SASH1: variants seen among roughly 807,000 people sequenced by gnomAD.
The protein encoded by SASH1 is SAM and SH3 domain-containing protein 1.
A neutral mutation model predicts 125.2 loss-of-function variants in SASH1; 44 were observed. The observed-to-expected ratio is 0.35, with a 90% CI of 0.28 to 0.45. The LOEUF (loss-of-function observed/expected upper bound fraction) is 0.45. Among genes scored for constraint, SASH1 ranks in the 20% least tolerant of loss-of-function variants. The pLI, the probability that SASH1 is intolerant of heterozygous loss-of-function variation, is 1.00. For missense variants in SASH1, 1,426 were observed against 1,614.5 expected (o/e 0.88, Z 2.00); for synonymous variants, 639 against 649.1 (o/e 0.98, Z 0.24).
intron 5 of SASH1, 40 bp from the exon 6 acceptor site, chr6:148,471,377 C>G (rs1448737090): frequency 1.1e-5 from 12 of 1,084,332 alleles, no homozygotes; most frequent in Non-Finnish European, 1.5e-5. Context: ...ATTGCTTGTG[C>G]TTTTTGTTCT....
chr6:148,446,183 A>G (rs1219599837), intron 4 of SASH1, among the ~76,000 whole-genome samples: 1 of 130,294 alleles, frequency 7.7e-6, no homozygotes, highest in Non-Finnish European at 1.5e-5. Context: ...ATCTTGGCTC[A>G]CTGCAAGCTC....
intron 2 of SASH1, among the ~76,000 whole-genome samples, chr6:148,434,314 A>T (rs1264221582): frequency 1.3e-5 from 2 of 152,044 alleles, no homozygotes; most frequent in African/African-American, 4.8e-5. Flanking sequence ...TGACCTCGTG[A>T]TCTGCCTGCC....
chr6:148,549,869 G>A lies in SASH1; in HGVS notation c.*1311G>A. 1 of 254,488 alleles carries A rather than the reference G, an allele frequency of 3.9e-6. No individual in the cohort carries two copies. The highest frequency in any genetic ancestry group is 7.4e-6 in the Non-Finnish European group (1 of 135,722). 15.8% of individuals were successfully genotyped at this position (254,488 alleles called of 1,614,324 possible). On this transcript the variant is annotated 3_prime_UTR_variant, in exon 20 of 20. Transcript: ENST00000367467. ...TTGTCACCCAGGCTGGAGTGCAATGGCACGATCTTGGCTCACTGCAACCTC... is the reference window on the plus strand; with the variant it reads ...TTGTCACCCAGGCTGGAGTGCAATGACACGATCTTGGCTCACTGCAACCTC...
chr6:148,377,562 C>T (rs1466415723), intron 1 of SASH1, among the ~76,000 whole-genome samples: 1 of 152,154 alleles, frequency 6.6e-6, no homozygotes, highest in Non-Finnish European at 1.5e-5. Context: ...ATCAATAATT[C>T]CTGTACTCTG....
intron 8 of SASH1, among the ~76,000 whole-genome samples, chr6:148,511,362 C>T (rs1780116316): frequency 6.7e-6 from 1 of 149,848 alleles, no homozygotes; most frequent in African/African-American, 2.5e-5. Flanking sequence ...CACACACACA[C>T]ACACACACAC....
intron 13 of SASH1, 101 bp downstream of exon 13, chr6:148,531,762 C>T (rs1781533003): frequency 1.0e-6 from 1 of 990,988 alleles, no homozygotes; most frequent in Admixed American, 3.8e-5. Context: ...AAGACCAAGT[C>T]CTGCCCTTCA....
intron 1 of SASH1, among the ~76,000 whole-genome samples, chr6:148,350,598 GTGCTACCTGAT>G (rs1278277125): frequency 1.3e-5 from 2 of 152,210 alleles, no homozygotes; most frequent in Non-Finnish European, 2.9e-5. Flanking sequence ...GAGTGCTGTG[GTGCTACCTGAT>G]TGTTTCGTGT....
intron 1 of SASH1, among the ~76,000 whole-genome samples, chr6:148,353,056 A>G (rs1384726182): frequency 1.3e-5 from 2 of 152,048 alleles, no homozygotes; most frequent in Admixed American, 6.6e-5. Context: ...CTTTATTTTA[A>G]TCTTTTTAAT....
chr6:148,362,137 C>A (rs1031629603), intron 1 of SASH1, among the ~76,000 whole-genome samples: 5 of 151,536 alleles, frequency 3.3e-5, no homozygotes, highest in Non-Finnish European at 7.4e-5. Flanking sequence ...CCGTGTTAGC[C>A]AGGATGGTCT....
the SASH1 span, among the ~76,000 whole-genome samples, chr6:148,264,567 A>G: frequency 6.6e-6 from 1 of 152,232 alleles, no homozygotes; most frequent in Non-Finnish European, 1.5e-5. Context: ...TGAGGGCTAT[A>G]CAACCCGGCC....
intron 10 of SASH1, among the ~76,000 whole-genome samples, chr6:148,522,467 C>CTCTT (rs568123401): frequency 1.3e-5 from 2 of 152,168 alleles, no homozygotes; most frequent in South Asian, 4.1e-4. Flanking sequence ...CAACCTCAAG[C>CTCTT]TCTTTGTCTT....
intron 2 of SASH1, among the ~76,000 whole-genome samples, chr6:148,420,269 A>G (rs1167235524): frequency 1.3e-5 from 2 of 152,198 alleles, no homozygotes; most frequent in Non-Finnish European, 2.9e-5. Flanking sequence ...AATAACATTA[A>G]GAAAAACCGA....
intron 1 of SASH1, among the ~76,000 whole-genome samples, chr6:148,287,228 G>C (rs1308813222): frequency 6.6e-6 from 1 of 152,188 alleles, no homozygotes; most frequent in East Asian, 1.9e-4. Context: ...GGCAATTATG[G>C]GGTGCTGATG....
At chr6:148,388,563 T>C (rs1783574008) in intron 1 of SASH1, among the ~76,000 whole-genome samples, 1 of 152,216 alleles carries the variant, frequency 6.6e-6, no homozygotes, top group South Asian at 2.1e-4. Flanking sequence ...CAGAACATGT[T>C]ATTGGTGGGG....
the SASH1 span, among the ~76,000 whole-genome samples, chr6:148,222,150 C>G: frequency 6.6e-6 from 1 of 152,188 alleles, no homozygotes; most frequent in Non-Finnish European, 1.5e-5. Flanking sequence ...TAAGGGGCCA[C>G]AATATCAAAT....
At chr6:148,338,682 C>T (rs1384913623), upstream of SASH1, among the ~76,000 whole-genome samples, 7 of 151,930 alleles carry the variant, frequency 4.6e-5, no homozygotes, top group Non-Finnish European at 1.0e-4. Flanking sequence ...ATGGTGATTT[C>T]TTTATAAGGA....
chr6:148,350,545 T>C (rs1781692206), intron 1 of SASH1, among the ~76,000 whole-genome samples: 1 of 152,168 alleles, frequency 6.6e-6, no homozygotes, highest in African/African-American at 2.4e-5. Context: ...TTACAAAGGA[T>C]GTAAGAGGAA....
At position 148,544,077 on chromosome 6, in the gene SASH1, A is replaced by G. The variant is rs1202364146; in HGVS notation, c.2607A>G (p.Pro869=). The G allele has an allele frequency of 1.2e-6, 2 of 1,613,930 alleles. No homozygotes were observed. The highest frequency in any genetic ancestry group is 1.7e-6 in the Non-Finnish European group (2 of 1,179,998). The change falls in exon 18 of 20, where the codon CCA becomes CCG. Residue 869 remains proline, a synonymous_variant. Transcript: ENST00000367467. This position sits in a 1 kb window ranked among gnomAD's most constrained non-coding sequence, Gnocchi z 6.4. Reference sequence around the variant, plus strand: ...CCCCTCAGATTGTACCTGAAGTGCCACAGAAGACGACCGCCTCTTCCACGA... The same window carrying G: ...CCCCTCAGATTGTACCTGAAGTGCCGCAGAAGACGACCGCCTCTTCCACGA... ...EPPPQIVPEV[P]QKTTASSTKA...
intron 1 of SASH1, among the ~76,000 whole-genome samples, chr6:148,288,064 G>A (rs1779532142): frequency 6.6e-6 from 1 of 152,154 alleles, no homozygotes; most frequent in African/African-American, 2.4e-5. Context: ...TTTCATCATC[G>A]CCCTAACTGG....
Sources: gnomAD v4.1 joint callset for allele counts (sites outside exome capture counted in the v4.1 genomes callset) on GRCh38, gnomAD v4.1.1 for gene constraint, Gnocchi (gnomAD v3.1) non-coding constraint, MANE v1.5 for transcripts, NCBI Gene and HGNC (gene_info 2026-07-23, HGNC 2026-07-21) for gene names.